Variants in PAFAH1B1 observed in about 807,000 individuals in gnomAD.
PAFAH1B1 encodes the protein platelet-activating factor acetylhydrolase IB subunit beta.
A neutral mutation model predicts 57.5 loss-of-function variants in PAFAH1B1; 2 were observed. That is an observed-to-expected ratio of 0.03 (90% CI 0.01 to 0.11). The LOEUF (loss-of-function observed/expected upper bound fraction) is 0.11. Ranked by LOEUF, PAFAH1B1 falls within the 10% of genes least tolerant of loss-of-function variation. The pLI, the probability that PAFAH1B1 is intolerant of heterozygous loss-of-function variation, is 1.00. For synonymous variants in PAFAH1B1, 152 were observed against 169.6 expected (o/e 0.90, Z 0.81); for missense variants, 257 against 512.0 (o/e 0.50, Z 4.81).
chr17:2,640,327 C>T (rs1171943696), intron 2 of PAFAH1B1: 1 of 148,780 alleles, frequency 6.7e-6, no homozygotes, highest in Non-Finnish European at 1.5e-5. Context: ...ATTTAGCCCT[C>T]ATGTGTCTTC....
intron 2 of PAFAH1B1, among the ~76,000 whole-genome samples, chr17:2,663,574 A>T (rs201288106): frequency 0.017 from 1 of 58 alleles, no homozygotes; most frequent in South Asian, 0.5. Context: ...GTCTTTACTT[A>T]ACTTATTACT....
rs1483185002 is a variant in PAFAH1B1 at position 2,617,746 on chromosome 17, CCT to C, written c.-190-20352_-190-20351del. Reference sequence around the variant, plus strand: ...CAGCACAGACAACATGGTGAAACCCCCTGTCTCTACTAAAAATGCAGCATTTA... The same window carrying C: ...CAGCACAGACAACATGGTGAAACCCCGTCTCTACTAAAAATGCAGCATTTA... On this transcript the variant is annotated intron_variant, in intron 1 of 10. Transcript: ENST00000397195. Among the ~76,000 whole-genome samples, 27 of 151,742 alleles carry C rather than the reference CCT, an allele frequency of 1.8e-4. No homozygotes were observed. In the East Asian group the frequency reaches 3.5e-3, roughly 20 times the overall value.
chr17:2,599,593 A>G (rs2068117227), intron 1 of PAFAH1B1, among the ~76,000 whole-genome samples: 1 of 152,234 alleles, frequency 6.6e-6, no homozygotes, highest in African/African-American at 2.4e-5. Context: ...GAAATGTGCT[A>G]TCCTAAAGAT....
At chr17:2,669,306 C>T (rs927945715) in intron 5 of PAFAH1B1, among the ~76,000 whole-genome samples, 1 of 150,060 alleles carries the variant, frequency 6.7e-6, no homozygotes, top group African/African-American at 2.5e-5. Context: ...CTCTTGTTAC[C>T]CAGGCTGGAG....
intron 1 of PAFAH1B1, among the ~76,000 whole-genome samples, chr17:2,628,788 G>A (rs538390793): frequency 3.9e-5 from 6 of 152,146 alleles, no homozygotes; most frequent in East Asian, 3.9e-4. Flanking sequence ...TCTGTTCAGC[G>A]TATCTAATTC....
At chr17:2,638,006 T>G in intron 1 of PAFAH1B1, 93 bp from the exon 2 acceptor site, 1 of 449,210 alleles carries the variant, frequency 2.2e-6, no homozygotes, top group Non-Finnish European at 3.9e-6. Context: ...AACATCACAA[T>G]AAAATTTATC....
intron 1 of PAFAH1B1, among the ~76,000 whole-genome samples, chr17:2,605,897 A>T (rs974068543): frequency 6.6e-6 from 1 of 152,170 alleles, no homozygotes; most frequent in African/African-American, 2.4e-5. Context: ...AGATGAGGTG[A>T]CCTTTGCTTT....
chr17:2,632,648 C>G (rs1444846693), intron 1 of PAFAH1B1, among the ~76,000 whole-genome samples: 1 of 152,096 alleles, frequency 6.6e-6, no homozygotes, highest in Non-Finnish European at 1.5e-5. Flanking sequence ...TATGTCTGTA[C>G]TGAATATATA....
At chr17:2,679,821 C>A in intron 9 of PAFAH1B1, 1 of 282,780 alleles carries the variant, frequency 3.5e-6, no homozygotes. Flanking sequence ...TAGCATGAAC[C>A]ACCTAAGAAC....
intron 2 of PAFAH1B1, among the ~76,000 whole-genome samples, chr17:2,647,922 T>C (rs889980874): frequency 6.6e-6 from 1 of 151,860 alleles, no homozygotes; most frequent in Non-Finnish European, 1.5e-5. Context: ...GAGAATGGGG[T>C]GAACCCGGGA....
chr17:2,650,075 C>T (rs989770780), intron 2 of PAFAH1B1, among the ~76,000 whole-genome samples: 4 of 152,194 alleles, frequency 2.6e-5, no homozygotes, highest in Non-Finnish European at 5.9e-5. Flanking sequence ...AAATAGAAAA[C>T]TTCTGTGTGA....
intron 7 of PAFAH1B1, among the ~76,000 whole-genome samples, chr17:2,673,508 G>A (rs572095465): frequency 5.3e-5 from 8 of 152,076 alleles, no homozygotes; most frequent in East Asian, 3.9e-4. Context: ...GCGTGGTGGC[G>A]GGCGCCTGTA....
chr17:2,631,408 T>C (rs2068553769), intron 1 of PAFAH1B1, among the ~76,000 whole-genome samples: 1 of 152,066 alleles, frequency 6.6e-6, no homozygotes, highest in African/African-American at 2.4e-5. Context: ...CCCATTCAGA[T>C]GGTTACAAAA....
intron 1 of PAFAH1B1, among the ~76,000 whole-genome samples, chr17:2,619,356 C>A (rs945321131): frequency 2.0e-5 from 3 of 151,962 alleles, no homozygotes; most frequent in Non-Finnish European, 4.4e-5. Context: ...TGGGGTTTCA[C>A]TAGCTGGGAC....
At chr17:2,671,482 C>G (rs1042966495) in intron 6 of PAFAH1B1, among the ~76,000 whole-genome samples, 1 of 151,100 alleles carries the variant, frequency 6.6e-6, no homozygotes, top group Non-Finnish European at 1.5e-5. Flanking sequence ...GAATTATAGG[C>G]GTGAGCCACG....
At chr17:2,596,790 G>A (rs1167015236) in intron 1 of PAFAH1B1, among the ~76,000 whole-genome samples, 1 of 152,158 alleles carries the variant, frequency 6.6e-6, no homozygotes, top group Admixed American at 6.6e-5. Flanking sequence ...CAGGTGCAGT[G>A]GTTCACGCCT....
intron 2 of PAFAH1B1, among the ~76,000 whole-genome samples, chr17:2,654,231 C>T (rs2068906939): frequency 6.8e-6 from 1 of 145,986 alleles, no homozygotes; most frequent in Non-Finnish European, 1.5e-5. Context: ...CTCTTATCGC[C>T]TAGGCTGAAG....
intron 2 of PAFAH1B1, among the ~76,000 whole-genome samples, chr17:2,657,413 A>T (rs111321480): frequency 0.13 from 20,369 of 152,134 alleles, 2,250 homozygotes; most frequent in African/African-American, 0.3. Flanking sequence ...CCCGGCTAAT[A>T]TTGTATTTTT....
rs71377513 is a variant in PAFAH1B1 at position 2,595,421 on chromosome 17, C to CTTTTTTTT, written c.-191+1424_-191+1431dup. On this transcript the variant is annotated intron_variant, in intron 1 of 10. Transcript: ENST00000397195. ...TCCCTTTTTGCCACAGGAGTGTTTG[C>CTTTTTTTT]TTTTTTTTTTTTTTTTGCTGCAGCA... Among the ~76,000 whole-genome samples, 38 of 124,048 alleles carry CTTTTTTTT rather than the reference C, an allele frequency of 3.1e-4. 3 individuals are homozygous for CTTTTTTTT. The highest frequency in any genetic ancestry group is 5.1e-4 in the South Asian group (2 of 3,912). The allele number at this position is 124,048 out of a possible 152,430, so 81.4% of individuals were successfully genotyped here.
Sources: gnomAD v4.1 joint callset for allele counts (sites outside exome capture counted in the v4.1 genomes callset) on GRCh38, gnomAD v4.1.1 for gene constraint, MANE v1.5 for transcripts, NCBI Gene and HGNC (gene_info 2026-07-23, HGNC 2026-07-21) for gene names.